Variants in RIPK4 observed in about 807,000 individuals in gnomAD.
The protein encoded by RIPK4 is receptor interacting serine/threonine kinase 4, also known as receptor-interacting serine/threonine-protein kinase 4.
Under a neutral mutation model 42.9 loss-of-function variants are expected in RIPK4, and 17 were observed. That is an observed-to-expected ratio of 0.40 (90% CI 0.27 to 0.59). RIPK4 has a LOEUF of 0.59. Among genes scored for constraint, RIPK4 ranks in the 20% least tolerant of loss-of-function variants. RIPK4 has a pLI of 0.47. For missense variants in RIPK4, 897 were observed against 1,104.4 expected (o/e 0.81, Z 2.66); for synonymous variants, 498 against 499.1 (o/e 1.00, Z 0.03).
At chr21:41,746,004 G>A in intron 5 of RIPK4, 142 bp from the exon 6 acceptor site, 2 of 774,706 alleles carry the variant, frequency 2.6e-6, no homozygotes, top group Non-Finnish European at 4.6e-6. Context: ...AAGCCCAGGG[G>A]CCCTACATGG....
At position 41,755,064 on chromosome 21, in the gene RIPK4, C is replaced by T. The variant is rs923777332; in HGVS notation, c.474+1461G>A. ...CGGCAGAGCTTACTAGTCATTAGGG[C>T]CCCAGAGCCTGTGCTACCTAGAAAC... On this transcript the variant is annotated intron_variant, in intron 2 of 7. Coordinates refer to ENST00000332512, the MANE Select transcript of RIPK4 (RefSeq NM_020639.3). This position sits in a 1 kb window ranked among gnomAD's most constrained non-coding sequence, Gnocchi z 4.2. 2.6e-5 allele frequency among the ~76,000 whole-genome samples: 4 copies of T among 152,126 alleles called. No individual in the cohort carries two copies. The highest frequency in any genetic ancestry group is 4.8e-5 in the African/African-American group (2 of 41,406).
intron 5 of RIPK4, 78 bp from the exon 6 acceptor site, chr21:41,745,940 C>G: frequency 8.5e-7 from 1 of 1,174,198 alleles, no homozygotes; most frequent in South Asian, 1.2e-5. Flanking sequence ...ACGCAGGGCC[C>G]CCACGAGCTG....
intron 2 of RIPK4, among the ~76,000 whole-genome samples, chr21:41,753,286 GA>G: frequency 7.0e-6 from 1 of 142,632 alleles, no homozygotes; most frequent in African/African-American, 2.5e-5. Context: ...GAAAAGAAAA[GA>G]AAAGAAAAAC....
chr21:41,758,719 C>T (rs1034598134), intron 1 of RIPK4, among the ~76,000 whole-genome samples: 1 of 152,234 alleles, frequency 6.6e-6, no homozygotes, highest in African/African-American at 2.4e-5. Context: ...GCTGTGGCTG[C>T]TTTTGCACTT....
rs769652910 is a variant in RIPK4 at position 41,751,862 on chromosome 21, A to C, written c.475-617T>G. 1.3e-5 allele frequency among the ~76,000 whole-genome samples: 2 copies of C among 152,192 alleles called. No homozygotes were observed. Among genetic ancestry groups the C allele is most frequent in the Non-Finnish European group, 2.9e-5 (2 of 68,034 alleles). Reference sequence around the variant, plus strand: ...CAGACACTGGCTGGCTGCTTCAAACACATGTGTTCGAGTGAAGGTCTGATA... The same window carrying C: ...CAGACACTGGCTGGCTGCTTCAAACCCATGTGTTCGAGTGAAGGTCTGATA... On this transcript the variant is annotated intron_variant, in intron 2 of 7. Coordinates refer to ENST00000332512, the MANE Select transcript of RIPK4 (RefSeq NM_020639.3). The surrounding 1 kb of genome is among the most constrained non-coding windows in gnomAD (Gnocchi z 4.5).
intron 6 of RIPK4, among the ~76,000 whole-genome samples, chr21:41,745,366 A>G (rs2061167404): frequency 6.6e-6 from 1 of 152,198 alleles, no homozygotes. Context: ...GGTGGCACTC[A>G]TCAGAGTGCA....
chr21:41,766,530 G>A (rs558666143), intron 1 of RIPK4, among the ~76,000 whole-genome samples: 1 of 152,296 alleles, frequency 6.6e-6, no homozygotes, highest in East Asian at 1.9e-4. Context: ...GGCCACTCGG[G>A]GAGTGTCAGG....
chr21:41,740,467 T>C lies in RIPK4; in HGVS notation c.*371A>G. The C allele has an allele frequency of 8.5e-6, 2 of 235,200 alleles. No homozygotes were observed. Among genetic ancestry groups the C allele is most frequent in the Middle Eastern group, 1.3e-3 (1 of 782 alleles). The allele number at this position is 235,200 out of a possible 1,614,324, so 14.6% of individuals were successfully genotyped here. On this transcript the variant is annotated 3_prime_UTR_variant, in exon 8 of 8. Transcript: ENST00000332512. Reference sequence around the variant, plus strand: ...GTTTCCCCTGCACCTCCCTCAAGACTGGTGAGCTCCAGCAACCCAAGGTGG... The same window carrying C: ...GTTTCCCCTGCACCTCCCTCAAGACCGGTGAGCTCCAGCAACCCAAGGTGG...
At chr21:41,758,679 A>G (rs2061212174) in intron 1 of RIPK4, among the ~76,000 whole-genome samples, 1 of 152,256 alleles carries the variant, frequency 6.6e-6, no homozygotes, top group Non-Finnish European at 1.5e-5. Context: ...TTTTACTGGA[A>G]GAAAGTCTCA....
rs1175400388 is a variant in RIPK4, at chr21:41,755,694, A to G, written c.474+831T>C. On this transcript the variant is annotated intron_variant, in intron 2 of 7. Coordinates refer to ENST00000332512, the MANE Select transcript of RIPK4 (RefSeq NM_020639.3). The surrounding 1 kb of genome is among the most constrained non-coding windows in gnomAD (Gnocchi z 4.2). Reference sequence around the variant, plus strand: ...CAGGGCAGACACCAGTGTCATGTGGACCAGCCTATCACCCTGGGCCTCCCA... The same window carrying G: ...CAGGGCAGACACCAGTGTCATGTGGGCCAGCCTATCACCCTGGGCCTCCCA... 6.6e-6 allele frequency among the ~76,000 whole-genome samples: 1 copy of G among 152,122 alleles called. No individual in the cohort carries two copies. The highest frequency in any genetic ancestry group is 2.4e-5 in the African/African-American group (1 of 41,430).
At chr21:41,762,309 G>A (rs2061222998) in intron 1 of RIPK4, among the ~76,000 whole-genome samples, 1 of 152,218 alleles carries the variant, frequency 6.6e-6, no homozygotes, top group Non-Finnish European at 1.5e-5. Flanking sequence ...GAGATCTGAG[G>A]CCCAGGAGTG....
rs2061158351 is a variant in RIPK4 at position 41,742,674 on chromosome 21, T to A, written c.1196-677A>T. On this transcript the variant is annotated intron_variant, in intron 7 of 7. Transcript: ENST00000332512. The surrounding 1 kb of genome is among the most constrained non-coding windows in gnomAD (Gnocchi z 5.1). The stretch of plus-strand genomic sequence containing the variant: ...CTCCTCCGCCCTCATGTGAAACGCG[T>A]GGGGACTTGGAAGTCGGCGGTGGGA... Among the ~76,000 whole-genome samples, 1 of 152,074 alleles carries A rather than the reference T, an allele frequency of 6.6e-6. No homozygotes were observed. The highest frequency in any genetic ancestry group is 2.1e-4 in the South Asian group (1 of 4,810).
intron 1 of RIPK4, among the ~76,000 whole-genome samples, chr21:41,759,409 T>C (rs894593302): frequency 6.6e-6 from 1 of 152,108 alleles, no homozygotes; most frequent in African/African-American, 2.4e-5. Context: ...TTTCTAATAA[T>C]ATAATAAGCT....
chr21:41,761,496 CCTCCGGACACTCTGCCCCGG>C lies in RIPK4; in HGVS notation c.183-4700_183-4681del, dbSNP rs568157188. On this transcript the variant is annotated intron_variant, in intron 1 of 7. Coordinates refer to ENST00000332512, the MANE Select transcript of RIPK4 (RefSeq NM_020639.3). Reference sequence around the variant, plus strand: ...CCTCCCCTACCAGTGTGGCCTCCCTCCTCCGGACACTCTGCCCCGGGGCGCTGGCGAAAGTCCTTCCGTAG... The same window carrying C: ...CCTCCCCTACCAGTGTGGCCTCCCTCGGCGCTGGCGAAAGTCCTTCCGTAG... 6.5e-4 allele frequency among the ~76,000 whole-genome samples: 99 copies of C among 152,350 alleles called. 3 individuals carry two copies. In the South Asian group the frequency reaches 0.02, roughly 31 times the overall value.
At position 41,746,605 on chromosome 21, in the gene RIPK4, G is replaced by A. The variant is rs753148439; in HGVS notation, c.832+8C>T. The A allele has an allele frequency of 5.6e-6, 9 of 1,607,076 alleles. No individual in the cohort carries two copies. The highest frequency in any genetic ancestry group is 7.6e-6 in the Non-Finnish European group (9 of 1,178,664). The stretch of plus-strand genomic sequence containing the variant: ...CAGAATGTGGCGGGGAGACCCCGGG[G>A]TGCTCACCTTGGAAGGTGGGCCTAA... On this transcript the variant is annotated splice_region_variant and intron_variant, in intron 5 of 7. Coordinates refer to ENST00000332512, the MANE Select transcript of RIPK4 (RefSeq NM_020639.3).
chr21:41,761,319 C>G (rs1356603893), intron 1 of RIPK4, among the ~76,000 whole-genome samples: 1 of 152,250 alleles, frequency 6.6e-6, no homozygotes, highest in African/African-American at 2.4e-5. Context: ...TAAAGGAATA[C>G]CAGCACAACT....
chr21:41,765,643 C>T (rs1408877127), intron 1 of RIPK4, among the ~76,000 whole-genome samples: 3 of 152,224 alleles, frequency 2.0e-5, no homozygotes, highest in Non-Finnish European at 4.4e-5. Context: ...TGGGGCTTAG[C>T]GGCCCCATCA....
intron 1 of RIPK4, among the ~76,000 whole-genome samples, chr21:41,762,636 C>G (rs534879158): frequency 6.6e-6 from 1 of 152,274 alleles, no homozygotes; most frequent in South Asian, 2.1e-4. Context: ...CTCAGGTACT[C>G]GAAGCACAGA....
At chr21:41,747,556 G>C (rs2061175585) in intron 4 of RIPK4, among the ~76,000 whole-genome samples, 1 of 152,130 alleles carries the variant, frequency 6.6e-6, no homozygotes, top group South Asian at 2.1e-4. Flanking sequence ...CAGCTCTTTG[G>C]AGAGGCCATG....
Sources: gnomAD v4.1 joint callset for allele counts (sites outside exome capture counted in the v4.1 genomes callset) on GRCh38, gnomAD v4.1.1 for gene constraint, Gnocchi (gnomAD v3.1) non-coding constraint, MANE v1.5 for transcripts, NCBI Gene and HGNC (gene_info 2026-07-23, HGNC 2026-07-21) for gene names.